Variants in PRKG1 observed in about 807,000 individuals in gnomAD.
PRKG1 encodes the protein cGMP-dependent protein kinase 1.
Under a neutral mutation model 88.1 loss-of-function variants are expected in PRKG1, and 35 were observed. That is an observed-to-expected ratio of 0.40 (90% CI 0.30 to 0.53). The LOEUF (loss-of-function observed/expected upper bound fraction) is 0.53. PRKG1 is among the 20% of genes least tolerant of loss of function. The pLI is 0.59. For missense variants in PRKG1, 540 were observed against 839.8 expected, an observed-to-expected ratio of 0.64 and a Z score of 4.41; for synonymous variants, 303 against 292.5, an observed-to-expected ratio of 1.04 and a Z score of -0.37.
At chr10:51,061,740 A>C (rs147005701) in intron 1 of PRKG1, among the ~76,000 whole-genome samples, 1 of 152,196 alleles carries the variant, frequency 6.6e-6, no homozygotes, top group East Asian at 1.9e-4. Flanking sequence ...TCTATTATTA[A>C]AGTTGACTAT....
At chr10:51,817,558 C>T (rs1167087704) in intron 4 of PRKG1, among the ~76,000 whole-genome samples, 1 of 152,104 alleles carries the variant, frequency 6.6e-6, no homozygotes. Context: ...CATAGTGTTC[C>T]ATGGTGTGTA....
At chr10:51,964,097 A>G (rs1331268650) in intron 5 of PRKG1, among the ~76,000 whole-genome samples, 1 of 152,124 alleles carries the variant, frequency 6.6e-6, no homozygotes, top group African/African-American at 2.4e-5. Context: ...TTGTGACCCT[A>G]TCAAAGACCA....
chr10:52,048,568 G>A (rs935785787), intron 5 of PRKG1, among the ~76,000 whole-genome samples: 3 of 152,054 alleles, frequency 2.0e-5, no homozygotes, highest in South Asian at 2.1e-4. Flanking sequence ...CCTCTGTCAC[G>A]TGTCATCAAA....
Position 51,032,097 on chromosome 10 carries a change from A to G in PRKG1, c.266+40453A>G, listed in dbSNP as rs572656561. Among the ~76,000 whole-genome samples, 6 of 152,264 alleles carry G rather than the reference A, an allele frequency of 3.9e-5. No homozygotes were observed. The South Asian group carries it at 6.2e-4, about 16-fold the overall frequency. Reference sequence around the variant, plus strand: ...TTCTTGGGAAATCTTCCAGCTGTTCAGTGTGTGCTGAGAAGAACATTCCAG... The same window carrying G: ...TTCTTGGGAAATCTTCCAGCTGTTCGGTGTGTGCTGAGAAGAACATTCCAG... On this transcript the variant is annotated intron_variant, in intron 1 of 17. Transcript: ENST00000401604.
intron 2 of PRKG1, among the ~76,000 whole-genome samples, chr10:51,317,403 A>G (rs1313049791): frequency 6.6e-6 from 1 of 152,132 alleles, no homozygotes; most frequent in African/African-American, 2.4e-5. Context: ...GTAACCCCCA[A>G]TTTTACTGAA....
intron 2 of PRKG1, among the ~76,000 whole-genome samples, chr10:51,277,845 G>A (rs1183833889): frequency 6.6e-6 from 1 of 152,210 alleles, no homozygotes; most frequent in East Asian, 1.9e-4. Flanking sequence ...AGCTTAAGGA[G>A]ATTTTGGGCT....
chr10:51,681,547 T>G (rs1419923734), intron 3 of PRKG1, among the ~76,000 whole-genome samples: 1 of 152,156 alleles, frequency 6.6e-6, no homozygotes, highest in African/African-American at 2.4e-5. Context: ...ACCCCTCAGA[T>G]TTCTCTCTTA....
chr10:52,292,830 A>G (rs1435951448), intron 17 of PRKG1, among the ~76,000 whole-genome samples: 3 of 151,816 alleles, frequency 2.0e-5, no homozygotes, highest in African/African-American at 7.2e-5. Flanking sequence ...AACTGGAAGC[A>G]TTCCCTTTGA....
In PRKG1 at chr10:51,380,104, C is replaced by T. The variant is rs1837038649; in HGVS notation, c.479-87619C>T. Among the ~76,000 whole-genome samples, 3 of 152,186 alleles carry T rather than the reference C, an allele frequency of 2.0e-5. No homozygotes were observed. The South Asian group carries it at 6.2e-4, about 31-fold the overall frequency. ...TCTAGGCTATTTCTAATTGCACTCT[C>T]TCTCTACCCCCAAACACTTAAATAT... On this transcript the variant is annotated intron_variant, in intron 2 of 17. Transcript: ENST00000373980.
intron 2 of PRKG1, among the ~76,000 whole-genome samples, chr10:51,267,705 T>C (rs1231105255): frequency 2.0e-5 from 3 of 152,118 alleles, no homozygotes; most frequent in African/African-American, 4.8e-5. Context: ...ACCCTAAAAA[T>C]TCTGGAAGAT....
At chr10:51,531,941 C>G (rs1249495449) in intron 3 of PRKG1, among the ~76,000 whole-genome samples, 1 of 152,032 alleles carries the variant, frequency 6.6e-6, no homozygotes, top group Admixed American at 6.5e-5. Context: ...CCGTGCCCTG[C>G]CAAAGAATTT....
chr10:51,683,999 T>A (rs895697843), intron 3 of PRKG1, among the ~76,000 whole-genome samples: 4 of 152,300 alleles, frequency 2.6e-5, no homozygotes, highest in Non-Finnish European at 1.5e-5. Flanking sequence ...TAACATAAAG[T>A]TCCTATATGA....
At chr10:52,058,389 A>T (rs12268753) in intron 6 of PRKG1, among the ~76,000 whole-genome samples, 16 of 151,988 alleles carry the variant, frequency 1.1e-4, no homozygotes, top group Middle Eastern at 3.4e-3. Flanking sequence ...TATCATGCCA[A>T]ATGATGCAGT....
chr10:51,111,038 A>C (rs1432146549), intron 1 of PRKG1, among the ~76,000 whole-genome samples: 1 of 152,150 alleles, frequency 6.6e-6, no homozygotes, highest in Non-Finnish European at 1.5e-5. Flanking sequence ...AAAGGTGCAG[A>C]TAGATGAAGC....
chr10:51,489,597 A>G (rs1263377894), intron 3 of PRKG1, among the ~76,000 whole-genome samples: 1 of 152,210 alleles, frequency 6.6e-6, no homozygotes, highest in Non-Finnish European at 1.5e-5. Flanking sequence ...TGTCACAGCT[A>G]TAGACTGAAG....
At chr10:52,129,407 G>A (rs1019018234) in intron 7 of PRKG1, among the ~76,000 whole-genome samples, 1 of 152,128 alleles carries the variant, frequency 6.6e-6, no homozygotes, top group African/African-American at 2.4e-5. Flanking sequence ...CTCTTTAGAA[G>A]TTAGAAATTT....
intron 2 of PRKG1, among the ~76,000 whole-genome samples, chr10:51,284,165 G>A (rs1840373292): frequency 6.6e-6 from 1 of 152,042 alleles, no homozygotes; most frequent in Non-Finnish European, 1.5e-5. Context: ...TAAATCAAGG[G>A]CTACAAAATA....
intron 7 of PRKG1, among the ~76,000 whole-genome samples, chr10:52,100,233 T>TTA (rs1165372964): frequency 5.9e-5 from 9 of 152,304 alleles, no homozygotes; most frequent in Admixed American, 2.0e-4. Flanking sequence ...GGCTTGCTAG[T>TTA]ATATTTTAAT....
intron 3 of PRKG1, among the ~76,000 whole-genome samples, chr10:51,548,657 A>T (rs538078850): frequency 6.6e-6 from 1 of 152,222 alleles, no homozygotes; most frequent in Admixed American, 6.5e-5. Flanking sequence ...TATTTCATAA[A>T]CTACTTCAAA....
Sources: allele counts gnomAD v4.1 joint callset (sites outside exome capture counted in the v4.1 genomes callset), GRCh38; gene constraint gnomAD v4.1.1; transcripts MANE v1.5; gene names NCBI Gene and HGNC (gene_info 2026-07-23, HGNC 2026-07-21).